KIF21A: variants seen among roughly 807,000 people sequenced by gnomAD.
The protein encoded by KIF21A is kinesin family member 21A, also known as kinesin-like protein KIF21A.
Under a neutral mutation model 202.9 loss-of-function variants are expected in KIF21A, and 114 were observed. The observed-to-expected ratio is 0.56, with a 90% CI of 0.48 to 0.66. The LOEUF is 0.66. Among genes scored for constraint, KIF21A ranks in the 30% least tolerant of loss-of-function variants. The pLI, the probability that KIF21A is intolerant of heterozygous loss-of-function variation, is 0.00. For missense variants in KIF21A, 1,677 were observed against 1,994.9 expected (o/e 0.84, Z 3.04); for synonymous variants, 667 against 670.8 (o/e 0.99, Z 0.09).
chr12:39,340,646 G>C (rs1263120561), intron 15 of KIF21A, among the ~76,000 whole-genome samples: 3 of 151,992 alleles, frequency 2.0e-5, no homozygotes, highest in Non-Finnish European at 2.9e-5. Flanking sequence ...AGCCTAGGCA[G>C]ATATCGGTAT....
At chr12:39,365,577 C>T (rs1003947152) in intron 6 of KIF21A, among the ~76,000 whole-genome samples, 21 of 152,056 alleles carry the variant, frequency 1.4e-4, no homozygotes, top group African/African-American at 4.8e-4. Context: ...AAAGTTAATT[C>T]TTAATATAAT....
chr12:39,418,220 G>C (rs1173991839), intron 1 of KIF21A, among the ~76,000 whole-genome samples: 1 of 151,668 alleles, frequency 6.6e-6, no homozygotes, highest in African/African-American at 2.4e-5. Context: ...GCAAAGAGTA[G>C]CTATAGACAG....
At position 39,358,291 on chromosome 12, in the gene KIF21A, C is replaced by T. The variant is rs760108872; in HGVS notation, c.1102G>A (p.Ala368Thr). The change falls in exon 8 of 38, where the codon GCT becomes ACT. Residue 368 changes from alanine to threonine, a missense_variant. Around this residue, in one of 3 missense-constraint regions of KIF21A, gnomAD observed 966 missense variants for 1,180.9 expected, o/e 0.82. Transcript: ENST00000361418. ...ATCACCTTATTCTTGATATTTCTAG[C>T]TCGATTGGCGTATTTCAGGGTGTTT... ...TLNTLKYANR[A>T]RNIKNKVMVN... 1.2e-6 allele frequency: 2 copies of T among 1,614,088 alleles called. No homozygotes were observed. The highest frequency in any genetic ancestry group is 1.7e-4 in the Middle Eastern group (1 of 6,060).
intron 1 of KIF21A, among the ~76,000 whole-genome samples, chr12:39,407,266 T>G (rs962145026): frequency 6.6e-6 from 1 of 152,228 alleles, no homozygotes; most frequent in Non-Finnish European, 1.5e-5. Flanking sequence ...CCGTGAAGTT[T>G]ATTGTAATTA....
intron 1 of KIF21A, among the ~76,000 whole-genome samples, chr12:39,416,713 G>A (rs868343739): frequency 2.7e-5 from 2 of 73,574 alleles, no homozygotes; most frequent in African/African-American, 1.0e-4. Flanking sequence ...ATATATATGT[G>A]TGTATATATG....
chr12:39,316,208 A>G (rs1251140881), intron 29 of KIF21A, among the ~76,000 whole-genome samples: 1 of 152,146 alleles, frequency 6.6e-6, no homozygotes, highest in Non-Finnish European at 1.5e-5. Flanking sequence ...ATTTTCTAAT[A>G]CTGATATACA....
intron 1 of KIF21A, among the ~76,000 whole-genome samples, chr12:39,433,257 C>T (rs532390803): frequency 5.9e-5 from 9 of 152,074 alleles, no homozygotes; most frequent in Non-Finnish European, 1.3e-4. Context: ...CTTTCTGGTT[C>T]TAAATATCAG....
intron 12 of KIF21A, among the ~76,000 whole-genome samples, chr12:39,344,718 A>G (rs138860296): frequency 2.0e-5 from 3 of 152,338 alleles, no homozygotes; most frequent in Admixed American, 2.0e-4. Context: ...TTAAACTTTT[A>G]AAATACAAGT....
At chr12:39,336,511 C>T (rs1257335664) in intron 17 of KIF21A, among the ~76,000 whole-genome samples, 2 of 152,070 alleles carry the variant, frequency 1.3e-5, no homozygotes, top group African/African-American at 4.8e-5. Context: ...TTTAACCATT[C>T]CTCCTACTGT....
intron 33 of KIF21A, among the ~76,000 whole-genome samples, chr12:39,308,261 G>A (rs906537982): frequency 6.6e-6 from 1 of 151,750 alleles, no homozygotes; most frequent in South Asian, 2.1e-4. Flanking sequence ...GGTGGTGCGT[G>A]CCTGTAATCC....
At position 39,315,238 on chromosome 12, in the gene KIF21A, G is replaced by A. The variant is rs781410152; in HGVS notation, c.3950C>T (p.Ser1317Phe). The stretch of plus-strand genomic sequence containing the variant: ...CCCTTCCCCTGCCTACCTTCTGGAG[G>A]ATCTGCTGATGATCAGCAAAAATGG... ...SDSSLSEVHR[S>F]SRRGIINPFP... is the part of the protein sequence containing the mutation. The change falls in exon 31 of 38, where the codon TCC (serine) becomes TTC (phenylalanine). Residue 1317 changes from serine to phenylalanine, a missense_variant and splice_region_variant. Physicochemically the swap from Ser to Phe is radical, Grantham distance 155. Around this residue, in one of 3 missense-constraint regions of KIF21A, gnomAD observed 705 missense variants for 791.9 expected, o/e 0.89. Transcript: ENST00000361418. 113 of 1,611,566 alleles carry A rather than the reference G, an allele frequency of 7.0e-5. No individual in the cohort carries two copies. The highest frequency in any genetic ancestry group is 9.0e-5 in the Non-Finnish European group (106 of 1,178,508).
intron 25 of KIF21A, 47 bp from the exon 26 acceptor site, chr12:39,325,940 T>G (rs1245468717): frequency 7.0e-7 from 1 of 1,425,794 alleles, no homozygotes; most frequent in South Asian, 1.2e-5. Flanking sequence ...AGAAAATTAT[T>G]ATAGAAAACT....
chr12:39,297,878 T>C (rs1942559115), intron 37 of KIF21A, among the ~76,000 whole-genome samples: 2 of 149,334 alleles, frequency 1.3e-5, no homozygotes, highest in Admixed American at 1.3e-4. Context: ...ATAATTATTA[T>C]TATTATTATT....
intron 10 of KIF21A, among the ~76,000 whole-genome samples, chr12:39,352,615 T>C (rs1263565871): frequency 6.6e-6 from 1 of 152,270 alleles, no homozygotes; most frequent in East Asian, 1.9e-4. Context: ...CTCCCCTTAG[T>C]TTCAGTTCCT....
chr12:39,320,238 G>A (rs1163852587), intron 27 of KIF21A, among the ~76,000 whole-genome samples: 1 of 152,106 alleles, frequency 6.6e-6, no homozygotes, highest in East Asian at 1.9e-4. Flanking sequence ...TATTAAATAT[G>A]TAACAACTTA....
At chr12:39,315,303 A>C in intron 30 of KIF21A, 63 bp from the exon 31 acceptor site, 4 of 1,455,136 alleles carry the variant, frequency 2.7e-6, no homozygotes, top group Non-Finnish European at 3.9e-6. Flanking sequence ...GGGAGGACAT[A>C]AAATGATAAT....
chr12:39,342,149 G>A (rs368836736), intron 12 of KIF21A, 25 bp from the exon 13 acceptor site: 7 of 1,480,914 alleles, frequency 4.7e-6, no homozygotes, highest in Non-Finnish European at 6.6e-6. Context: ...ATAAGGGTAT[G>A]GTGTTAAAAT....
intron 1 of KIF21A, among the ~76,000 whole-genome samples, chr12:39,395,571 G>T (rs1466314454): frequency 2.0e-5 from 3 of 152,118 alleles, no homozygotes; most frequent in East Asian, 3.9e-4. Context: ...GCCGGGCGCA[G>T]TGGCTGACGC....
At chr12:39,405,104 C>T (rs1952480318) in intron 1 of KIF21A, among the ~76,000 whole-genome samples, 1 of 152,106 alleles carries the variant, frequency 6.6e-6, no homozygotes, top group African/African-American at 2.4e-5. Context: ...ATAATCCTAG[C>T]ACTTTGGGAG....
Sources: gnomAD v4.1 joint callset for allele counts (sites outside exome capture counted in the v4.1 genomes callset) on GRCh38, gnomAD v4.1.1 for gene constraint, gnomAD v4.1.1 regional missense constraint, MANE v1.5 for transcripts, NCBI Gene and HGNC (gene_info 2026-07-23, HGNC 2026-07-21) for gene names.